Variants in PRH1 observed in about 807,000 individuals in gnomAD.
PRH1 encodes proline rich protein HaeIII subfamily 1.
PRH1 carries 7 observed loss-of-function variants against 7.9 expected under a neutral mutation model. The observed-to-expected ratio is 0.89, with a 90% CI of 0.50 to 1.67. The LOEUF (loss-of-function observed/expected upper bound fraction) is 1.67. PRH1 is among the 40% of genes most tolerant of loss of function. The pLI is 0.00. For synonymous variants in PRH1, 45 were observed against 80.8 expected, an observed-to-expected ratio of 0.56 and a Z score of 2.38; for missense variants, 109 against 223.6, an observed-to-expected ratio of 0.49 and a Z score of 3.27.
chr12:11,049,443 T>C (rs1943048825), upstream of PRH1, among the ~76,000 whole-genome samples: 1 of 152,280 alleles, frequency 6.6e-6, no homozygotes, highest in Non-Finnish European at 1.5e-5. Flanking sequence ...AATTCAAAGC[T>C]GTCTTTATAG....
chr12:11,147,196 T>G (rs1222449589), intron 1 of PRH1, among the ~76,000 whole-genome samples: 2 of 152,192 alleles, frequency 1.3e-5, no homozygotes, highest in Non-Finnish European at 2.9e-5. Flanking sequence ...CATCTCTTCA[T>G]GTATTGTTTT....
chr12:10,968,444 A>G (rs935479194), intron 2 of PRH1, among the ~76,000 whole-genome samples: 6 of 152,254 alleles, frequency 3.9e-5, no homozygotes, highest in African/African-American at 1.4e-4. Flanking sequence ...AGAGATGATG[A>G]TGATAGCTAC....
chr12:10,901,199 T>C (rs897042442), intron 2 of PRH1, among the ~76,000 whole-genome samples: 1 of 152,220 alleles, frequency 6.6e-6, no homozygotes, highest in African/African-American at 2.4e-5. Context: ...TAAGAGCACC[T>C]GCCTGCCTAG....
At chr12:11,062,066 T>C (rs987056390) in intron 1 of PRH1, 1 of 1,613,752 alleles carries the variant, frequency 6.2e-7, no homozygotes, top group Admixed American at 1.7e-5. Context: ...ACTTCTATAC[T>C]GTTAAAAGCT....
At chr12:10,897,052 G>A (rs10772383) in intron 2 of PRH1, 29,256 of 152,028 alleles carry the variant, frequency 0.19, 3,342 homozygotes, top group Non-Finnish European at 0.25. Context: ...CAGAGGCCAT[G>A]TGCAGGCCCT....
In PRH1 at chr12:11,095,969, G is replaced by C. The variant is rs1198012815; in HGVS notation, n.124-48781C>G. On this transcript the variant is annotated intron_variant and non_coding_transcript_variant, in intron 1 of 4. Coordinates refer to the PRH1 transcript ENST00000541977. ...TGAAAATCAGCTTGTCGTTTAGACA[G>C]TTATTCCCTTTAACATAATCTATCT... Among the ~76,000 whole-genome samples the C allele has an allele frequency of 1.8e-5, 2 of 113,632 alleles. 1 individual carries two copies. Among genetic ancestry groups the C allele is most frequent in the Non-Finnish European group, 4.1e-5 (2 of 48,298 alleles). 74.5% of individuals were successfully genotyped at this position (113,632 alleles called of 152,430 possible).
chr12:11,048,350 C>T (rs1455709047), upstream of PRH1: 3 of 211,696 alleles, frequency 1.4e-5, no homozygotes, highest in Non-Finnish European at 3.0e-5. Context: ...GGTTTCTGTC[C>T]TTTCACTCAG....
chr12:10,983,792 A>T (rs1322399365), intron 1 of PRH1, among the ~76,000 whole-genome samples: 3 of 152,174 alleles, frequency 2.0e-5, no homozygotes, highest in Non-Finnish European at 4.4e-5. Context: ...AGTGGTCATC[A>T]GCAGAGTCAT....
In PRH1 at chr12:10,882,569, CCTTGTTGGGGTGGTCCCTG is replaced by C; in HGVS notation, c.211_229del (p.Gln71GlufsTer120). 1 of 1,601,658 alleles carries C rather than the reference CCTTGTTGGGGTGGTCCCTG, an allele frequency of 6.2e-7. No homozygotes were observed. The highest frequency in any genetic ancestry group is 8.5e-7 in the Non-Finnish European group (1 of 1,175,248). ...TGGTGGACCTTGTTGCTGCTGGCCT[CCTTGTTGGGGTGGTCCCTG>C]CTGAGGGCCATCATCCTGGTTCCCA... On this transcript the variant is annotated frameshift_variant, in exon 3 of 4. Coordinates refer to ENST00000543626, the MANE Select transcript of PRH1 (RefSeq NM_001393989.1). LOFTEE classifies it low-confidence loss of function (END_TRUNC).
At chr12:10,946,585 C>T (rs1217391618) in intron 2 of PRH1, among the ~76,000 whole-genome samples, 2 of 151,984 alleles carry the variant, frequency 1.3e-5, no homozygotes, top group South Asian at 4.2e-4. Context: ...TTTTTAATTC[C>T]AACTCCCAAA....
At chr12:10,984,029 AGGG>A in intron 1 of PRH1, among the ~76,000 whole-genome samples, 1 of 152,088 alleles carries the variant, frequency 6.6e-6, no homozygotes, top group South Asian at 2.1e-4. Flanking sequence ...TCATTTAGAA[AGGG>A]TTTTAAAATA....
intron 1 of PRH1, among the ~76,000 whole-genome samples, chr12:11,070,501 T>G (rs1318176971): frequency 6.6e-6 from 1 of 151,914 alleles, no homozygotes; most frequent in Admixed American, 6.6e-5. Flanking sequence ...ATCTCCAAAG[T>G]GCCCGCTGTG....
chr12:11,129,788 C>T (rs1219987917), intron 1 of PRH1, among the ~76,000 whole-genome samples: 2 of 152,286 alleles, frequency 1.3e-5, no homozygotes, highest in Non-Finnish European at 2.9e-5. Context: ...TGTTGTATGT[C>T]AGGGCTATGT....
In PRH1 at chr12:11,134,099, G is replaced by A. The variant is rs781504579; in HGVS notation, n.40-12919C>T. 4 of 1,614,154 alleles carry A rather than the reference G, an allele frequency of 2.5e-6. No homozygotes were observed. In the South Asian group the frequency reaches 4.4e-5, roughly 18 times the overall value. Reference sequence around the variant, plus strand: ...ACCAACTCTGGAGACCGCCAGAGCAGTGAGAATTTGGTCAACAAAGGAGAT... The same window carrying A: ...ACCAACTCTGGAGACCGCCAGAGCAATGAGAATTTGGTCAACAAAGGAGAT... On this transcript the variant is annotated intron_variant and non_coding_transcript_variant, in intron 1 of 1. Transcript: ENST00000541175.
chr12:11,060,726 C>T (rs79322659), intron 1 of PRH1, among the ~76,000 whole-genome samples: 15 of 118,632 alleles, frequency 1.3e-4, no homozygotes, highest in East Asian at 2.7e-4. Flanking sequence ...ATAGTTGAAA[C>T]TTACTCTACA....
At chr12:11,144,766 T>C (rs1179055421) in intron 1 of PRH1, among the ~76,000 whole-genome samples, 1 of 152,234 alleles carries the variant, frequency 6.6e-6, no homozygotes, top group Non-Finnish European at 1.5e-5. Flanking sequence ...TCCCAGGGCC[T>C]TCTGCCCTGC....
At chr12:11,108,551 G>T (rs936015562) in intron 1 of PRH1, among the ~76,000 whole-genome samples, 1 of 152,164 alleles carries the variant, frequency 6.6e-6, no homozygotes, top group Non-Finnish European at 1.5e-5. Context: ...TGCCTCACCC[G>T]GGAAGTGCAA....
intron 2 of PRH1, among the ~76,000 whole-genome samples, chr12:10,966,508 G>C (rs1301732353): frequency 6.6e-6 from 1 of 152,168 alleles, no homozygotes; most frequent in Non-Finnish European, 1.5e-5. Flanking sequence ...AAATAATGGA[G>C]TCAGTTTGTC....
At chr12:11,091,346 CA>C in intron 1 of PRH1, 1 of 1,347,104 alleles carries the variant, frequency 7.4e-7, no homozygotes, top group African/African-American at 1.6e-5. Flanking sequence ...CCTCATTTGC[CA>C]AAAAACTGAA....
Sources: gnomAD v4.1 joint callset for allele counts (sites outside exome capture counted in the v4.1 genomes callset) on GRCh38, gnomAD v4.1.1 for gene constraint, MANE v1.5 for transcripts, NCBI Gene and HGNC (gene_info 2026-07-23, HGNC 2026-07-21) for gene names.